The following APBB1IP variants were observed in gnomAD, a reference collection of about 807,000 sequenced individuals.
APBB1IP encodes amyloid beta A4 precursor protein-binding family B member 1-interacting protein.
In APBB1IP, 27 loss-of-function variants were observed where a neutral mutation model predicts 64.9. That is an observed-to-expected ratio of 0.42 (90% CI 0.31 to 0.57). APBB1IP has a LOEUF of 0.57. Ranked by LOEUF, APBB1IP falls within the 20% of genes least tolerant of loss-of-function variation. The probability of loss-of-function intolerance (pLI) is 0.20; values close to 1 mark genes in which losing one functional copy is unlikely to be tolerated. For missense variants in APBB1IP, 812 were observed against 845.5 expected, an observed-to-expected ratio of 0.96 and a Z score of 0.49; for synonymous variants, 392 against 331.0, an observed-to-expected ratio of 1.18 and a Z score of -2.00.
At chr10:26,562,471 A>C in intron 14 of APBB1IP, 42 bp downstream of exon 14, 1 of 1,514,370 alleles carries the variant, frequency 6.6e-7, no homozygotes. Context: ...CCATGTTCTA[A>C]ACCATTCACA....
Position 26,513,587 on chromosome 10 carries a change from G to A in APBB1IP, c.740G>A (p.Trp247Ter), listed in dbSNP as rs1836287745. Residue 247 changes from tryptophan (W) to a stop codon, truncating the protein, a stop_gained, in exon 8 of 15, where the codon TGG (tryptophan) becomes TAG (stop). Transcript: ENST00000376236. LOFTEE classifies it high-confidence loss of function. The stretch of plus-strand genomic sequence containing the variant: ...AATGTTGTTGAAGTCTTATCAGACT[G>A]GACAAGAGACACAGAAAATAAAATA... ...HENVVEVLSD[W>*]TRDTENKILF... 3 of 1,612,658 alleles carry A rather than the reference G, an allele frequency of 1.9e-6. No individual in the cohort carries two copies. In the Admixed American group the frequency reaches 5.0e-5, roughly 27 times the overall value.
At chr10:26,525,603 T>C (rs1029886522) in intron 8 of APBB1IP, among the ~76,000 whole-genome samples, 8 of 152,202 alleles carry the variant, frequency 5.3e-5, no homozygotes, top group Admixed American at 3.3e-4. Context: ...AGAAGCCTAC[T>C]GTACAAAAAT....
rs534284916 is a variant in APBB1IP, at chr10:26,511,753, G to A, written c.538G>A (p.Val180Ile). 2.6e-5 allele frequency: 42 copies of A among 1,614,086 alleles called. No individual in the cohort carries two copies. Among genetic ancestry groups the A allele is most frequent in the Non-Finnish European group, 3.3e-5 (39 of 1,179,988 alleles). The change falls in exon 7 of 15, where the codon GTC (valine) becomes ATC (isoleucine). Residue 180 changes from valine (V) to isoleucine (I), a missense_variant. Physicochemically the swap from Val to Ile is conservative, Grantham distance 29. Coordinates refer to ENST00000376236, the MANE Select transcript of APBB1IP (RefSeq NM_019043.4). ...LKEAKVKKLVVKVHMNDNSTK... is the reference protein window; with the variant it reads ...LKEAKVKKLVIKVHMNDNSTK... ...CCCATGGTTCTATCCTCAGCTCGTC[G>A]TCAAGGTGCACATGAATGATAACAG...
At chr10:26,545,993 G>A (rs951918263) in intron 11 of APBB1IP, among the ~76,000 whole-genome samples, 3 of 152,070 alleles carry the variant, frequency 2.0e-5, no homozygotes, top group African/African-American at 7.2e-5. Flanking sequence ...GGCCTGATAA[G>A]GCCAGGCTAA....
chr10:26,486,876 C>T (rs1467786252), intron 2 of APBB1IP, among the ~76,000 whole-genome samples: 1 of 152,166 alleles, frequency 6.6e-6, no homozygotes, highest in African/African-American at 2.4e-5. Flanking sequence ...ATTTCCTTGT[C>T]GTTCAAGGAA....
intron 6 of APBB1IP, among the ~76,000 whole-genome samples, chr10:26,511,365 A>T (rs1032489054): frequency 6.6e-6 from 1 of 152,134 alleles, no homozygotes; most frequent in Admixed American, 6.6e-5. Flanking sequence ...AATAATAAAG[A>T]TACAGACATA....
In APBB1IP at chr10:26,510,744, A is replaced by T. The variant is rs926937144; in HGVS notation, c.532-1003A>T. 7.3e-5 allele frequency among the ~76,000 whole-genome samples: 11 copies of T among 150,754 alleles called. No individual in the cohort carries two copies. The East Asian group carries it at 7.8e-4, about 11-fold the overall frequency. On this transcript the variant is annotated intron_variant, in intron 6 of 14. Coordinates refer to ENST00000376236, the MANE Select transcript of APBB1IP (RefSeq NM_019043.4). ...GAGCAAGACCCTGTCTCACACACAC[A>T]CACACACACACACACACACACACAC...
At chr10:26,449,020 A>T (rs960655193) in intron 2 of APBB1IP, among the ~76,000 whole-genome samples, 1 of 152,080 alleles carries the variant, frequency 6.6e-6, no homozygotes, top group Non-Finnish European at 1.5e-5. Context: ...CTTTCAGGGG[A>T]GGGCAGTAGT....
rs1308877162 is a variant in APBB1IP, at chr10:26,501,115, A to C, written c.453+4A>C. The C allele has an allele frequency of 6.2e-7, 1 of 1,614,132 alleles. No homozygotes were observed. Among genetic ancestry groups the C allele is most frequent in the Non-Finnish European group, 8.5e-7 (1 of 1,179,996 alleles). ...ACCTCCTGAACCTCTCTCTCAGGTA[A>C]GTATGTGGGACCAGAGATGGCAGGA... On this transcript the variant is annotated splice_donor_region_variant and intron_variant, in intron 5 of 14. Coordinates refer to ENST00000376236, the MANE Select transcript of APBB1IP (RefSeq NM_019043.4).
intron 6 of APBB1IP, among the ~76,000 whole-genome samples, chr10:26,504,617 G>A (rs1262695058): frequency 1.3e-5 from 2 of 151,868 alleles, no homozygotes; most frequent in Non-Finnish European, 1.5e-5. Context: ...GGCTGAGGCA[G>A]GATAATCATT....
chr10:26,562,797 AAAATAAATAAAT>A (rs199563056), intron 14 of APBB1IP, among the ~76,000 whole-genome samples: 5 of 151,790 alleles, frequency 3.3e-5, no homozygotes, highest in South Asian at 4.2e-4. Flanking sequence ...ATCCAGTCTT[AAAATAAATAAAT>A]AAATAAATAA....
chr10:26,554,448 G>A (rs981979032), intron 11 of APBB1IP, among the ~76,000 whole-genome samples: 1 of 152,204 alleles, frequency 6.6e-6, no homozygotes. Context: ...GCTTGCAGCT[G>A]CGTGTGCCAA....
intron 11 of APBB1IP, among the ~76,000 whole-genome samples, chr10:26,553,073 G>C (rs1836851901): frequency 6.6e-6 from 1 of 152,016 alleles, no homozygotes; most frequent in East Asian, 1.9e-4. Context: ...CCAGGCTGGA[G>C]TGCAGTGGCG....
chr10:26,501,253 T>C, intron 5 of APBB1IP, 142 bp downstream of exon 5: 2 of 1,258,864 alleles, frequency 1.6e-6, no homozygotes, highest in African/African-American at 1.5e-5. Context: ...AGCACGCTCA[T>C]TGCAAAGCTA....
chr10:26,530,205 A>T (rs529973056), intron 8 of APBB1IP, among the ~76,000 whole-genome samples: 6 of 149,962 alleles, frequency 4.0e-5, no homozygotes, highest in Middle Eastern at 3.5e-3. Flanking sequence ...CCCCTATGGT[A>T]CTTAAAGCTT....
chr10:26,517,724 T>C (rs1157342164), intron 8 of APBB1IP, among the ~76,000 whole-genome samples: 3 of 152,276 alleles, frequency 2.0e-5, no homozygotes, highest in African/African-American at 7.2e-5. Context: ...TAGCTTATTC[T>C]TTTTCACTGT....
intron 10 of APBB1IP, among the ~76,000 whole-genome samples, chr10:26,537,885 G>T (rs1178990027): frequency 6.8e-6 from 1 of 146,478 alleles, no homozygotes; most frequent in African/African-American, 2.5e-5. Flanking sequence ...AGTGGCCTGA[G>T]ATCATGCCGC....
intron 6 of APBB1IP, among the ~76,000 whole-genome samples, chr10:26,508,154 C>T (rs919674484): frequency 6.6e-6 from 1 of 152,318 alleles, no homozygotes; most frequent in South Asian, 2.1e-4. Flanking sequence ...CCGCAATGTA[C>T]TCATGCATAA....
intron 6 of APBB1IP, among the ~76,000 whole-genome samples, chr10:26,508,855 T>C (rs185437581): frequency 1.5e-4 from 23 of 152,310 alleles, no homozygotes; most frequent in Admixed American, 1.5e-3. Context: ...CATTGCCAAA[T>C]TATGTGGTTT....
Sources: gnomAD v4.1 joint callset for allele counts (sites outside exome capture counted in the v4.1 genomes callset) on GRCh38, gnomAD v4.1.1 for gene constraint, MANE v1.5 for transcripts, NCBI Gene and HGNC (gene_info 2026-07-23, HGNC 2026-07-21) for gene names.